The following HID1 variants were observed in gnomAD, a reference collection of about 807,000 sequenced individuals.
The protein encoded by HID1 is HID1 domain containing, also known as protein HID1.
HID1 carries 42 observed loss-of-function variants against 89.7 expected under a neutral mutation model. The ratio of observed to expected loss-of-function variants is 0.47; its 90% CI spans 0.37 to 0.61. The LOEUF is 0.61. Among genes scored for constraint, HID1 ranks in the 20% least tolerant of loss-of-function variants. The pLI is 0.00. For synonymous variants in HID1, 442 were observed against 433.8 expected, an observed-to-expected ratio of 1.02 and a Z score of -0.24; for missense variants, 854 against 1,039.3, an observed-to-expected ratio of 0.82 and a Z score of 2.45.
In HID1 at chr17:74,951,334, G is replaced by A; in HGVS notation, c.*236C>T. On this transcript the variant is annotated 3_prime_UTR_variant, in exon 19 of 19. Transcript: ENST00000425042. ...CGAGTGTTGGGGGCAGTGGTCTCTG[G>A]TGGGGGCATAGCCCCAGAGATGGGG... is the stretch of plus-strand genomic sequence containing the variant. 1.7e-6 allele frequency: 1 copy of A among 582,092 alleles called. No homozygotes were observed. Among genetic ancestry groups the A allele is most frequent in the Non-Finnish European group, 3.1e-6 (1 of 327,520 alleles). The allele number at this position is 582,092 out of a possible 1,614,324, so 36.1% of individuals were successfully genotyped here.
At position 74,952,038 on chromosome 17, in the gene HID1, G is replaced by A. The variant is rs371605312; in HGVS notation, c.2170C>T (p.Leu724=). ...DKGLTDESEI[L]RFLQHGTLVG... Reference sequence around the variant, plus strand: ...AGGGTGCCATGCTGCAGGAACCGCAGGATCTCAGACTCATCCGTCAGGCCC... The same window carrying A: ...AGGGTGCCATGCTGCAGGAACCGCAAGATCTCAGACTCATCCGTCAGGCCC... Residue 724 remains leucine (L), a synonymous_variant, in exon 18 of 19, where the codon CTG becomes TTG. Coordinates refer to ENST00000425042, the MANE Select transcript of HID1 (RefSeq NM_030630.3). 1.3e-6 allele frequency: 2 copies of A among 1,558,650 alleles called. No individual in the cohort carries two copies. Among genetic ancestry groups the A allele is most frequent in the Non-Finnish European group, 1.7e-6 (2 of 1,150,812 alleles).
intron 1 of HID1, among the ~76,000 whole-genome samples, chr17:74,965,310 A>C (rs2039545745): frequency 6.6e-6 from 1 of 152,206 alleles, no homozygotes; most frequent in African/African-American, 2.4e-5. Context: ...TGCATGCACC[A>C]CGGCACCGCT....
In HID1 at chr17:74,970,105, C is replaced by T. The variant is rs573525956; in HGVS notation, c.66+2486G>A. 7.3e-5 allele frequency among the ~76,000 whole-genome samples: 11 copies of T among 151,208 alleles called. No individual in the cohort carries two copies. The East Asian group carries it at 1.6e-3, about 22-fold the overall frequency. ...CTAATTTTTGTATTTTTAGTAGAGA[C>T]GAGGTTTCTCCATGTCGCTCAGGCT... On this transcript the variant is annotated intron_variant, in intron 1 of 18. Transcript: ENST00000425042.
Position 74,960,179 on chromosome 17 carries a change from G to T in HID1, c.798C>A (p.Ile266=). ...CAGAGAAGAGCAGGTGGTTGTAGGG[G>T]ATCCCGTAGCCCACAGGGTCATAGG... ...VCAYDPVGYG[I]PYNHLLFSDY... Residue 266 remains isoleucine, a synonymous_variant, in exon 7 of 19, where the codon ATC becomes ATA. Coordinates refer to ENST00000425042, the MANE Select transcript of HID1 (RefSeq NM_030630.3). 1 of 1,613,890 alleles carries T rather than the reference G, an allele frequency of 6.2e-7. No homozygotes were observed.
At chr17:74,961,821 G>A in intron 6 of HID1, 52 bp downstream of exon 6, 1 of 1,175,974 alleles carries the variant, frequency 8.5e-7, no homozygotes, top group Admixed American at 2.6e-5. Flanking sequence ...CTCAGCTCTG[G>A]ATTGCCTGGA....
Position 74,972,542 on chromosome 17 carries a change from G to T in HID1, c.66+49C>A. On this transcript the variant is annotated intron_variant, in intron 1 of 18. Coordinates refer to ENST00000425042, the MANE Select transcript of HID1 (RefSeq NM_030630.3). This position sits in a 1 kb window ranked among gnomAD's most constrained non-coding sequence, Gnocchi z 6.4. ...GTTCGCGTACCCCCGGCCCTGCCCAGCCCCCAGCCCGGCAGGTGGATGGGG... is the reference window on the plus strand; with the variant it reads ...GTTCGCGTACCCCCGGCCCTGCCCATCCCCCAGCCCGGCAGGTGGATGGGG... 6.6e-7 allele frequency: 1 copy of T among 1,507,122 alleles called. No individual in the cohort carries two copies. The highest frequency in any genetic ancestry group is 9.0e-7 in the Non-Finnish European group (1 of 1,113,836). 93.4% of individuals were successfully genotyped at this position (1,507,122 alleles called of 1,614,324 possible). A position where few individuals can be genotyped will look rare whatever the true frequency, so the allele number is the denominator to read the frequency against.
Position 74,972,241 on chromosome 17 carries a change from G to C in HID1, c.66+350C>G, listed in dbSNP as rs1250129231. Among the ~76,000 whole-genome samples the C allele has an allele frequency of 6.6e-6, 1 of 151,784 alleles. No individual in the cohort carries two copies. Among genetic ancestry groups the C allele is most frequent in the Admixed American group, 6.6e-5 (1 of 15,232 alleles). ...GGGAGCGGACGGTGGATGGGTGGGTGGGGGCGGCGGGAGGCTGGAGATGCG... is the reference window on the plus strand; with the variant it reads ...GGGAGCGGACGGTGGATGGGTGGGTCGGGGCGGCGGGAGGCTGGAGATGCG... On this transcript the variant is annotated intron_variant, in intron 1 of 18. Coordinates refer to ENST00000425042, the MANE Select transcript of HID1 (RefSeq NM_030630.3). The surrounding 1 kb of genome is among the most constrained non-coding windows in gnomAD (Gnocchi z 6.4).
In HID1 at chr17:74,958,902, C is replaced by T. The variant is rs375025605; in HGVS notation, c.1149+9G>A. On this transcript the variant is annotated intron_variant, in intron 9 of 18. Transcript: ENST00000425042. This position sits in a 1 kb window ranked among gnomAD's most constrained non-coding sequence, Gnocchi z 5.2. ...CATCTCCCTGCAGGGCCCCTCGAGG[C>T]TGGCCCACCTTGTTGAAGTCGCAGA... 1.9e-6 allele frequency: 3 copies of T among 1,585,604 alleles called. No individual in the cohort carries two copies. The highest frequency in any genetic ancestry group is 2.6e-6 in the Non-Finnish European group (3 of 1,168,402).
chr17:74,963,141 G>T, intron 3 of HID1, 60 bp from the exon 4 acceptor site: 1 of 1,266,316 alleles, frequency 7.9e-7, no homozygotes, highest in South Asian at 1.4e-5. Context: ...AGGTGGCCCA[G>T]GGCTTGGGGG....
intron 12 of HID1, among the ~76,000 whole-genome samples, chr17:74,956,858 T>C (rs760799112): frequency 6.6e-6 from 1 of 152,192 alleles, no homozygotes; most frequent in Non-Finnish European, 1.5e-5. Flanking sequence ...CAGTCCTTGC[T>C]GGGTGGGGGT....
Position 74,951,336 on chromosome 17 carries a change from G to C in HID1, c.*234C>G, listed in dbSNP as rs2039294448. 3.4e-6 allele frequency: 2 copies of C among 581,704 alleles called. No homozygotes were observed. Among genetic ancestry groups the C allele is most frequent in the Non-Finnish European group, 6.1e-6 (2 of 327,458 alleles). The allele number at this position is 581,704 out of a possible 1,614,324, so 36.0% of individuals were successfully genotyped here. ...AGTGTTGGGGGCAGTGGTCTCTGGT[G>C]GGGGCATAGCCCCAGAGATGGGGCT... On this transcript the variant is annotated 3_prime_UTR_variant, in exon 19 of 19. Transcript: ENST00000425042.
In HID1 at chr17:74,958,659, C is replaced by T. The variant is rs777474224; in HGVS notation, c.1240+14G>A. On this transcript the variant is annotated intron_variant, in intron 10 of 18. Coordinates refer to ENST00000425042, the MANE Select transcript of HID1 (RefSeq NM_030630.3). This position sits in a 1 kb window ranked among gnomAD's most constrained non-coding sequence, Gnocchi z 5.2. Reference sequence around the variant, plus strand: ...AGGAAAGCCCCCAGCATCCCACCCCCACCCTGGTCTTACACTGATCGGCCC... The same window carrying T: ...AGGAAAGCCCCCAGCATCCCACCCCTACCCTGGTCTTACACTGATCGGCCC... The T allele has an allele frequency of 1.3e-6, 2 of 1,538,554 alleles. No homozygotes were observed. Among genetic ancestry groups the T allele is most frequent in the South Asian group, 1.1e-5 (1 of 89,424 alleles).
At chr17:74,954,916 T>C (rs949528315) in intron 13 of HID1, 13 of 160,328 alleles carry the variant, frequency 8.1e-5, no homozygotes, top group Admixed American at 5.8e-5. Context: ...CCCCTATTTC[T>C]CCCTCAGAGA....
intron 6 of HID1, 84 bp from the exon 7 acceptor site, chr17:74,960,332 C>T: frequency 8.5e-7 from 1 of 1,181,742 alleles, no homozygotes; most frequent in Non-Finnish European, 1.2e-6. Context: ...GTGGGAAGGT[C>T]AGCCTCATTC....
intron 1 of HID1, among the ~76,000 whole-genome samples, chr17:74,970,217 C>CA (rs2039625787): frequency 6.6e-6 from 1 of 152,024 alleles, no homozygotes; most frequent in South Asian, 2.1e-4. Flanking sequence ...ACACCCGGCC[C>CA]AAAATCAGAT....
Position 74,960,247 on chromosome 17 carries a change from G to A in HID1, c.730C>T (p.His244Tyr), listed in dbSNP as rs1567961570. 1 of 1,606,976 alleles carries A rather than the reference G, an allele frequency of 6.2e-7. No individual in the cohort carries two copies. Among genetic ancestry groups the A allele is most frequent in the Admixed American group, 1.7e-5 (1 of 59,962 alleles). The change falls in exon 7 of 19, where the codon CAT becomes TAT. Residue 244 changes from histidine to tyrosine, a missense_variant and splice_region_variant. Transcript: ENST00000425042. ...VQFFCSTENR[H>Y]ALPLFTSLLN... ...AGGGAGGTGAAGAGGGGCAGGGCAT[G>A]TCTGCAGCAGGAGAGGGACAAGGCT...
In HID1 at chr17:74,958,211, G is replaced by T; in HGVS notation, c.1401C>A (p.His467Gln). 2 of 1,611,026 alleles carry T rather than the reference G, an allele frequency of 1.2e-6. No individual in the cohort carries two copies. Among genetic ancestry groups the T allele is most frequent in the South Asian group, 2.2e-5 (2 of 90,446 alleles). ...GCTGGTGCCCGCTGGTGATGATCTT[G>T]TGGAACACCTGTGCCAGGAGGGACA... ...THADLLIVVF[H>Q]KIITSGHQRL... Residue 467 changes from histidine (H) to glutamine (Q), a missense_variant, in exon 12 of 19, where the codon CAC becomes CAA. Physicochemically the swap from His to Gln is conservative, Grantham distance 24. Transcript: ENST00000425042. The surrounding 1 kb of genome is among the most constrained non-coding windows in gnomAD (Gnocchi z 5.2).
chr17:74,956,492 T>G (rs61710710), intron 12 of HID1, among the ~76,000 whole-genome samples: 4,121 of 152,212 alleles, frequency 0.027, 139 homozygotes, highest in African/African-American at 0.079. Context: ...TCATTTTCCC[T>G]CACTAGGCTG....
intron 1 of HID1, among the ~76,000 whole-genome samples, chr17:74,970,952 G>T (rs564324730): frequency 1.3e-5 from 2 of 152,284 alleles, no homozygotes; most frequent in South Asian, 4.2e-4. Context: ...AGGCTGGTCT[G>T]ATCTCCAGCC....
Sources: gnomAD v4.1 joint callset for allele counts (sites outside exome capture counted in the v4.1 genomes callset) on GRCh38, gnomAD v4.1.1 for gene constraint, Gnocchi (gnomAD v3.1) non-coding constraint, MANE v1.5 for transcripts, NCBI Gene and HGNC (gene_info 2026-07-23, HGNC 2026-07-21) for gene names.